B3GALT1: variants seen among roughly 807,000 people sequenced by gnomAD.
The protein encoded by B3GALT1 is beta-1,3-galactosyltransferase 1.
In B3GALT1, 10 loss-of-function variants were observed where a neutral mutation model predicts 23.2. The observed-to-expected ratio is 0.43, with a 90% CI of 0.27 to 0.73. The LOEUF is 0.73. B3GALT1 is among the 30% of genes least tolerant of loss of function. The probability of loss-of-function intolerance (pLI) is 0.21; values close to 1 mark genes in which losing one functional copy is unlikely to be tolerated. For synonymous variants in B3GALT1, 156 were observed against 141.5 expected (o/e 1.10, Z -0.73); for missense variants, 299 against 405.4 (o/e 0.74, Z 2.25).
rs145080266 is a variant in B3GALT1 at position 167,517,645 on chromosome 2, G to A, written c.-410+27368G>A. Among the ~76,000 whole-genome samples the A allele has an allele frequency of 1.9e-3, 293 of 152,172 alleles. 3 individuals carry two copies. The highest frequency in any genetic ancestry group is 6.8e-3 in the African/African-American group (284 of 41,542). ...TTGCATTATCTAATTTAATTAAGGT[G>A]AAATGGAAGTTTCTCTGAAGATTGA... On this transcript the variant is annotated intron_variant, in intron 2 of 4. Coordinates refer to ENST00000392690, the MANE Select transcript of B3GALT1 (RefSeq NM_020981.4).
chr2:167,667,354 C>T (rs574114127), intron 3 of B3GALT1, among the ~76,000 whole-genome samples: 1 of 152,106 alleles, frequency 6.6e-6, no homozygotes, highest in African/African-American at 2.4e-5. Context: ...TTGAGGGTAA[C>T]CCGACCTTTC....
intron 2 of B3GALT1, among the ~76,000 whole-genome samples, chr2:167,534,094 C>CA (rs1683376240): frequency 6.6e-6 from 1 of 152,118 alleles, no homozygotes; most frequent in African/African-American, 2.4e-5. Context: ...TGTTTCATTA[C>CA]AAAATATATA....
intron 3 of B3GALT1, among the ~76,000 whole-genome samples, chr2:167,684,590 C>T (rs140239708): frequency 6.6e-6 from 1 of 152,330 alleles, no homozygotes; most frequent in East Asian, 1.9e-4. Flanking sequence ...AAAATACCTG[C>T]TCCCATGATA....
intron 3 of B3GALT1, among the ~76,000 whole-genome samples, chr2:167,816,145 AG>A (rs200417269): frequency 0.011 from 1,722 of 152,320 alleles, 21 homozygotes; most frequent in Middle Eastern, 0.037. Context: ...TCCTGTGAAT[AG>A]ATGTCATTAT....
chr2:167,448,951 G>T (rs1381032332), intron 1 of B3GALT1, among the ~76,000 whole-genome samples: 1 of 151,970 alleles, frequency 6.6e-6, no homozygotes, highest in Non-Finnish European at 1.5e-5. Context: ...CCATTTTATT[G>T]GTTTGTATGC....
chr2:167,797,389 T>G (rs1688561348), intron 3 of B3GALT1, among the ~76,000 whole-genome samples: 1 of 152,370 alleles, frequency 6.6e-6, no homozygotes, highest in East Asian at 1.9e-4. Flanking sequence ...GATGGACATT[T>G]TGGGTTGATT....
At chr2:167,517,639 TA>T (rs1344143309) in intron 2 of B3GALT1, among the ~76,000 whole-genome samples, 2 of 152,064 alleles carry the variant, frequency 1.3e-5, no homozygotes, top group African/African-American at 4.8e-5. Context: ...CTAATTTAAT[TA>T]AGGTGAAATG....
intron 3 of B3GALT1, among the ~76,000 whole-genome samples, chr2:167,693,107 G>A (rs1686739203): frequency 6.6e-6 from 1 of 151,876 alleles, no homozygotes; most frequent in Non-Finnish European, 1.5e-5. Flanking sequence ...TGAGATGTTG[G>A]TAAGCCAAAT....
In B3GALT1 at chr2:167,667,683, C is replaced by T. The variant is rs201698037; in HGVS notation, c.-352+20717C>T. The stretch of plus-strand genomic sequence containing the variant: ...TCTTGTTTCTCTAAACTTCCCTTCT[C>T]GCTTCATTTCATTCATTTCATCTTC... On this transcript the variant is annotated intron_variant, in intron 3 of 4. Transcript: ENST00000392690. Among the ~76,000 whole-genome samples the T allele has an allele frequency of 1.9e-3, 288 of 152,302 alleles. 8 individuals carry two copies. The East Asian group carries it at 0.042, about 22-fold the overall frequency.
chr2:167,401,098 T>TGG (rs1368655847), intron 1 of B3GALT1, among the ~76,000 whole-genome samples: 1 of 152,012 alleles, frequency 6.6e-6, no homozygotes, highest in Admixed American at 6.6e-5. Context: ...TTAATCTGCT[T>TGG]GGGGAGGGAC....
chr2:167,424,553 G>A (rs1413563978), intron 1 of B3GALT1, among the ~76,000 whole-genome samples: 1 of 151,824 alleles, frequency 6.6e-6, no homozygotes, highest in Non-Finnish European at 1.5e-5. Flanking sequence ...ACATTAGTGT[G>A]TGTGTGTGTT....
intron 1 of B3GALT1, among the ~76,000 whole-genome samples, chr2:167,327,339 T>C (rs972107645): frequency 6.6e-6 from 1 of 152,106 alleles, no homozygotes; most frequent in Non-Finnish European, 1.5e-5. Flanking sequence ...TAGACTACTT[T>C]GGGCAGTATG....
At chr2:167,427,667 G>A (rs2105305549) in intron 1 of B3GALT1, among the ~76,000 whole-genome samples, 1 of 152,294 alleles carries the variant, frequency 6.6e-6, no homozygotes, top group South Asian at 2.1e-4. Flanking sequence ...CTCCTGAATA[G>A]TGAGGACTAC....
intron 1 of B3GALT1, among the ~76,000 whole-genome samples, chr2:167,296,456 T>A (rs1019073489): frequency 3.9e-5 from 6 of 152,178 alleles, no homozygotes; most frequent in African/African-American, 1.4e-4. Flanking sequence ...TTCATTCTCA[T>A]TTTTTCTTTG....
At chr2:167,621,202 C>T (rs4667539) in intron 2 of B3GALT1, among the ~76,000 whole-genome samples, 100,918 of 150,520 alleles carry the variant, frequency 0.67, 35,147 homozygotes, top group Admixed American at 0.78. Flanking sequence ...AATCCTGCCA[C>T]GTCAGCCTCT....
At chr2:167,587,510 A>G (rs1489797782) in intron 2 of B3GALT1, among the ~76,000 whole-genome samples, 2 of 152,232 alleles carry the variant, frequency 1.3e-5, no homozygotes, top group East Asian at 3.8e-4. Flanking sequence ...CTCCAGACCT[A>G]AATTTTTGCA....
chr2:167,482,088 A>C lies in B3GALT1; in HGVS notation c.-510-8089A>C, dbSNP rs933537508. Among the ~76,000 whole-genome samples, 11 of 152,318 alleles carry C rather than the reference A, an allele frequency of 7.2e-5. No individual in the cohort carries two copies. The South Asian group carries it at 2.3e-3, about 32-fold the overall frequency. On this transcript the variant is annotated intron_variant, in intron 1 of 4. Coordinates refer to ENST00000392690, the MANE Select transcript of B3GALT1 (RefSeq NM_020981.4). ...GGTAGGAAATGATTCTGTAAGTTTA[A>C]ACAGCACAAATTTTGTGTCGTTCCT... is the stretch of plus-strand genomic sequence containing the variant.
At chr2:167,658,970 C>G (rs975497538) in intron 3 of B3GALT1, among the ~76,000 whole-genome samples, 22 of 152,098 alleles carry the variant, frequency 1.4e-4, no homozygotes, top group African/African-American at 5.3e-4. Flanking sequence ...ACAACAAATT[C>G]TAGTCCACTT....
At chr2:167,726,664 C>A (rs1023724216) in intron 3 of B3GALT1, among the ~76,000 whole-genome samples, 1 of 152,162 alleles carries the variant, frequency 6.6e-6, no homozygotes, top group Admixed American at 6.5e-5. Flanking sequence ...AATCATTATC[C>A]CCAGTTTACA....
Sources: gnomAD v4.1 joint callset for allele counts (sites outside exome capture counted in the v4.1 genomes callset) on GRCh38, gnomAD v4.1.1 for gene constraint, MANE v1.5 for transcripts, NCBI Gene and HGNC (gene_info 2026-07-23, HGNC 2026-07-21) for gene names.